The following FOXP1 variants were observed in gnomAD, a reference collection of about 807,000 sequenced individuals.
The protein encoded by FOXP1 is forkhead box P1, also known as forkhead box protein P1.
Under a neutral mutation model 98.2 loss-of-function variants are expected in FOXP1, and 15 were observed. That is an observed-to-expected ratio of 0.15 (90% CI 0.10 to 0.24). The LOEUF (loss-of-function observed/expected upper bound fraction) is 0.24. Ranked by LOEUF, FOXP1 falls within the 10% of genes least tolerant of loss-of-function variation. FOXP1 has a pLI of 1.00. For missense variants in FOXP1, 633 were observed against 848.5 expected, an observed-to-expected ratio of 0.75 and a Z score of 3.15; for synonymous variants, 371 against 314.5, an observed-to-expected ratio of 1.18 and a Z score of -1.90.
At chr3:71,219,709 T>A (rs1273143608) in intron 5 of FOXP1, among the ~76,000 whole-genome samples, 2 of 152,258 alleles carry the variant, frequency 1.3e-5, no homozygotes, top group African/African-American at 4.8e-5. Context: ...AATAGAATAA[T>A]ACTATAATTT....
intron 5 of FOXP1, among the ~76,000 whole-genome samples, chr3:71,248,037 C>A (rs757630827): frequency 1.1e-4 from 16 of 152,174 alleles, no homozygotes; most frequent in Admixed American, 2.0e-4. Context: ...AGCACAATAG[C>A]AAGACAGATT....
At chr3:70,999,092 C>G (rs190547867) in intron 13 of FOXP1, among the ~76,000 whole-genome samples, 1 of 151,998 alleles carries the variant, frequency 6.6e-6, no homozygotes, top group South Asian at 2.1e-4. Flanking sequence ...GTAGTTTATT[C>G]TTTCTCTTTT....
intron 2 of FOXP1, among the ~76,000 whole-genome samples, chr3:71,547,961 C>A (rs1486931600): frequency 6.6e-6 from 1 of 152,182 alleles, no homozygotes; most frequent in Non-Finnish European, 1.5e-5. Flanking sequence ...ACTTAGCCAG[C>A]CCCAGGTCAG....
chr3:71,020,899 C>T (rs1450803296), intron 11 of FOXP1, among the ~76,000 whole-genome samples: 1 of 152,122 alleles, frequency 6.6e-6, no homozygotes, highest in African/African-American at 2.4e-5. Flanking sequence ...TTTATGCCTC[C>T]CCACAAACAC....
At chr3:71,044,796 A>C (rs949980441) in intron 10 of FOXP1, among the ~76,000 whole-genome samples, 14 of 152,218 alleles carry the variant, frequency 9.2e-5, no homozygotes, top group African/African-American at 3.1e-4. Context: ...ATTACTGTTC[A>C]TGGAACTCAA....
At chr3:71,462,635 A>G (rs1223052042) in intron 3 of FOXP1, among the ~76,000 whole-genome samples, 1 of 152,218 alleles carries the variant, frequency 6.6e-6, no homozygotes, top group African/African-American at 2.4e-5. Context: ...GAATTTAAAA[A>G]TCAGTGAAGA....
intron 3 of FOXP1, among the ~76,000 whole-genome samples, chr3:71,372,285 G>A (rs964141955): frequency 4.0e-5 from 6 of 151,356 alleles, no homozygotes; most frequent in Non-Finnish European, 7.4e-5. Context: ...GCCTGCCAAC[G>A]TGCTGAGATT....
At chr3:71,120,307 C>A (rs1288564345) in intron 6 of FOXP1, among the ~76,000 whole-genome samples, 1 of 152,200 alleles carries the variant, frequency 6.6e-6, no homozygotes, top group African/African-American at 2.4e-5. Context: ...CCAAGTCTTA[C>A]ATCAACTGGG....
intron 6 of FOXP1, among the ~76,000 whole-genome samples, chr3:71,168,374 T>G (rs1186921427): frequency 6.6e-6 from 1 of 152,240 alleles, no homozygotes; most frequent in Non-Finnish European, 1.5e-5. Context: ...TAACTTTGTT[T>G]TCTTTTTTCA....
At chr3:71,102,057 C>T (rs2057012917) in intron 7 of FOXP1, among the ~76,000 whole-genome samples, 1 of 152,124 alleles carries the variant, frequency 6.6e-6, no homozygotes, top group African/African-American at 2.4e-5. Context: ...TATTCAGTCC[C>T]TGTAATTTAC....
intron 6 of FOXP1, among the ~76,000 whole-genome samples, chr3:71,192,940 G>C (rs2063078187): frequency 6.6e-6 from 1 of 152,032 alleles, no homozygotes; most frequent in African/African-American, 2.4e-5. Flanking sequence ...ATGAGACACT[G>C]CACGCAGCCT....
At chr3:71,387,296 A>G (rs1174049341) in intron 3 of FOXP1, among the ~76,000 whole-genome samples, 4 of 152,252 alleles carry the variant, frequency 2.6e-5, no homozygotes, top group African/African-American at 9.6e-5. Context: ...AATGGGGCAT[A>G]GTGCATCTCT....
chr3:71,416,550 ACACACACACAC>A (rs2083230833), intron 3 of FOXP1, among the ~76,000 whole-genome samples: 1 of 13,706 alleles, frequency 7.3e-5, no homozygotes, highest in Admixed American at 4.6e-4. Context: ...GTCTCAAAAC[ACACACACACAC>A]ACACACACAC....
At chr3:71,508,329 A>G (rs2041972579) in intron 2 of FOXP1, among the ~76,000 whole-genome samples, 2 of 152,168 alleles carry the variant, frequency 1.3e-5, no homozygotes, top group African/African-American at 4.8e-5. Context: ...GGGACAAAGT[A>G]TTTTTCTGTT....
At chr3:71,212,112 T>C (rs1027641576) in intron 5 of FOXP1, among the ~76,000 whole-genome samples, 2 of 152,146 alleles carry the variant, frequency 1.3e-5, no homozygotes, top group East Asian at 3.8e-4. Context: ...AGATTAAAGA[T>C]ACTAGTACCA....
At chr3:71,357,802 T>C (rs1326223533) in intron 4 of FOXP1, among the ~76,000 whole-genome samples, 12 of 152,218 alleles carry the variant, frequency 7.9e-5, no homozygotes, top group African/African-American at 2.4e-4. Flanking sequence ...AGTAGAAAGA[T>C]AGAAGACACA....
chr3:71,340,328 T>C (rs1275672524), intron 4 of FOXP1, among the ~76,000 whole-genome samples: 2 of 152,330 alleles, frequency 1.3e-5, no homozygotes, highest in South Asian at 2.1e-4. Flanking sequence ...TCCTAATACA[T>C]TGAGTGTATG....
intron 6 of FOXP1, among the ~76,000 whole-genome samples, chr3:71,177,565 G>A (rs1454251523): frequency 2.0e-5 from 3 of 152,182 alleles, no homozygotes; most frequent in African/African-American, 4.8e-5. Context: ...AGGCTCTGGA[G>A]TCGGGCAGAT....
chr3:71,387,433 G>A (rs2080676153), intron 3 of FOXP1, among the ~76,000 whole-genome samples: 2 of 152,116 alleles, frequency 1.3e-5, no homozygotes, highest in African/African-American at 2.4e-5. Context: ...GAATAATTAA[G>A]GATTTTATAG....
Sources: allele counts gnomAD v4.1 joint callset (sites outside exome capture counted in the v4.1 genomes callset), GRCh38; gene constraint gnomAD v4.1.1; transcripts MANE v1.5; gene names NCBI Gene and HGNC (gene_info 2026-07-23, HGNC 2026-07-21).